CCSER1: variants seen among roughly 807,000 people sequenced by gnomAD.
The protein encoded by CCSER1 is coiled-coil serine rich protein 1.
CCSER1 carries 41 observed loss-of-function variants against 82.0 expected under a neutral mutation model. The observed-to-expected ratio is 0.50, with a 90% confidence interval of 0.39 to 0.65. CCSER1 has a LOEUF of 0.65. Among genes scored for constraint, CCSER1 ranks in the 30% least tolerant of loss-of-function variants. The probability of loss-of-function intolerance (pLI) is 0.00; values close to 1 mark genes in which losing one functional copy is unlikely to be tolerated. For missense variants in CCSER1, 1,119 were observed against 1,064.2 expected (o/e 1.05, Z -0.72); for synonymous variants, 414 against 383.9 (o/e 1.08, Z -0.92).
chr4:90,188,250 A>T (rs922375410), intron 1 of CCSER1, among the ~76,000 whole-genome samples: 25 of 151,874 alleles, frequency 1.6e-4, no homozygotes, highest in South Asian at 4.2e-4. Flanking sequence ...TTTTATTTTT[A>T]TTTAAGTTCA....
At chr4:91,180,304 C>G (rs1733876380) in intron 10 of CCSER1, among the ~76,000 whole-genome samples, 1 of 152,202 alleles carries the variant, frequency 6.6e-6, no homozygotes, top group African/African-American at 2.4e-5. Flanking sequence ...ATTTCAGACT[C>G]TGTGCTAGGA....
intron 1 of CCSER1, among the ~76,000 whole-genome samples, chr4:90,179,572 A>G (rs1240304618): frequency 6.6e-6 from 1 of 152,106 alleles, no homozygotes; most frequent in Non-Finnish European, 1.5e-5. Context: ...TTGTACAGAG[A>G]GGGTCTTGCT....
intron 10 of CCSER1, among the ~76,000 whole-genome samples, chr4:91,355,885 C>A (rs963526134): frequency 2.0e-5 from 3 of 152,186 alleles, no homozygotes; most frequent in Non-Finnish European, 4.4e-5. Flanking sequence ...TTTCACTGGG[C>A]TCCCTGATAC....
chr4:90,331,051 G>C (rs952984448), intron 3 of CCSER1, among the ~76,000 whole-genome samples: 1 of 151,158 alleles, frequency 6.6e-6, no homozygotes, highest in Middle Eastern at 3.4e-3. Context: ...TATAAATTTT[G>C]GTACTATAGC....
chr4:91,177,890 T>C (rs1033793639), intron 10 of CCSER1, among the ~76,000 whole-genome samples: 53 of 152,230 alleles, frequency 3.5e-4, no homozygotes, highest in African/African-American at 1.3e-3. Context: ...TCTAGTTCTT[T>C]AATTGTGATG....
At chr4:90,852,163 A>G (rs1763964231) in intron 8 of CCSER1, among the ~76,000 whole-genome samples, 1 of 152,202 alleles carries the variant, frequency 6.6e-6, no homozygotes, top group Non-Finnish European at 1.5e-5. Context: ...CTCAAACTTT[A>G]CTCATAGGAC....
At chr4:90,461,716 C>T (rs1762955191) in intron 4 of CCSER1, among the ~76,000 whole-genome samples, 1 of 152,066 alleles carries the variant, frequency 6.6e-6, no homozygotes, top group Non-Finnish European at 1.5e-5. Flanking sequence ...ATTCATTTAC[C>T]AAAGATTATT....
chr4:90,630,895 T>C (rs1470690038), intron 6 of CCSER1, among the ~76,000 whole-genome samples: 2 of 148,670 alleles, frequency 1.3e-5, no homozygotes, highest in African/African-American at 2.4e-5. Flanking sequence ...TTATTATTAT[T>C]ATTATTATTA....
At chr4:91,084,284 G>A (rs1246238584) in intron 9 of CCSER1, among the ~76,000 whole-genome samples, 3 of 152,132 alleles carry the variant, frequency 2.0e-5, no homozygotes, top group Non-Finnish European at 2.9e-5. Context: ...TGATAAAAAT[G>A]AGAGGAGGCA....
intron 10 of CCSER1, among the ~76,000 whole-genome samples, chr4:91,457,033 C>CAT (rs1455394380): frequency 3.0e-4 from 45 of 152,124 alleles, no homozygotes; most frequent in Non-Finnish European, 4.4e-5. Context: ...CTACTATGTG[C>CAT]ATAGCATTGA....
intron 6 of CCSER1, among the ~76,000 whole-genome samples, chr4:90,692,699 A>G (rs17017420): frequency 0.16 from 24,553 of 151,734 alleles, 2,117 homozygotes; most frequent in Middle Eastern, 0.26. Context: ...AATACCATGA[A>G]CACATTAATC....
chr4:91,414,930 A>G (rs1753267788), intron 10 of CCSER1, among the ~76,000 whole-genome samples: 1 of 152,176 alleles, frequency 6.6e-6, no homozygotes, highest in Non-Finnish European at 1.5e-5. Flanking sequence ...ACCTATGTAT[A>G]TAAAGCAAAT....
At chr4:90,989,622 C>T (rs1443850372) in intron 9 of CCSER1, among the ~76,000 whole-genome samples, 1 of 151,708 alleles carries the variant, frequency 6.6e-6, no homozygotes, top group African/African-American at 2.4e-5. Context: ...GATGAGTGAC[C>T]TTCCTTTTGA....
chr4:91,078,889 A>C (rs1722346630), intron 9 of CCSER1, among the ~76,000 whole-genome samples: 1 of 152,152 alleles, frequency 6.6e-6, no homozygotes, highest in Non-Finnish European at 1.5e-5. Flanking sequence ...GAAAAAGTAA[A>C]AAGAAATGAA....
chr4:90,507,934 A>G (rs1578869325), intron 5 of CCSER1, among the ~76,000 whole-genome samples: 1 of 151,934 alleles, frequency 6.6e-6, no homozygotes, highest in Admixed American at 6.6e-5. Context: ...TATATTTTAT[A>G]TGGATATAAT....
rs559454109 is a variant in CCSER1, at chr4:91,379,222, T to A, written c.2218-219350T>A. 1.7e-4 allele frequency among the ~76,000 whole-genome samples: 26 copies of A among 152,270 alleles called. No homozygotes were observed. The East Asian group carries it at 5.0e-3, about 29-fold the overall frequency. On this transcript the variant is annotated intron_variant, in intron 10 of 10. Coordinates refer to ENST00000509176, the MANE Select transcript of CCSER1 (RefSeq NM_001145065.2). The stretch of plus-strand genomic sequence containing the variant: ...TTGGTCTAAAATTCTCTTTTTTTGT[T>A]GTGTCTCTGTCAGGCTTTGGTATCA...
chr4:90,192,689 G>T (rs1039601774), intron 1 of CCSER1, among the ~76,000 whole-genome samples: 1 of 151,988 alleles, frequency 6.6e-6, no homozygotes, highest in African/African-American at 2.4e-5. Context: ...TATTTATATT[G>T]CCAGTAGTGT....
intron 1 of CCSER1, among the ~76,000 whole-genome samples, chr4:90,222,687 A>G (rs1208849642): frequency 6.6e-6 from 1 of 152,118 alleles, no homozygotes; most frequent in Non-Finnish European, 1.5e-5. Flanking sequence ...CTTGTTTTCA[A>G]TGTATATCTT....
intron 9 of CCSER1, among the ~76,000 whole-genome samples, chr4:90,963,300 C>T (rs1394112034): frequency 3.9e-5 from 6 of 151,932 alleles, no homozygotes; most frequent in Admixed American, 1.3e-4. Context: ...AAACTAGGTT[C>T]CTTAACAGCA....
Sources: allele counts gnomAD v4.1 joint callset (sites outside exome capture counted in the v4.1 genomes callset), GRCh38; gene constraint gnomAD v4.1.1; transcripts MANE v1.5; gene names NCBI Gene and HGNC (gene_info 2026-07-23, HGNC 2026-07-21).